SHROOM2: variants seen among roughly 807,000 people sequenced by gnomAD.
SHROOM2 encodes shroom family member 2, also known as protein Shroom2.
A neutral mutation model predicts 75.9 loss-of-function variants in SHROOM2; 33 were observed. The observed-to-expected ratio is 0.43, with a 90% CI of 0.33 to 0.58. The LOEUF (loss-of-function observed/expected upper bound fraction) is 0.58. Ranked by LOEUF, SHROOM2 falls within the 20% of genes least tolerant of loss-of-function variation. SHROOM2 has a pLI of 0.04. For synonymous variants in SHROOM2, 655 were observed against 663.6 expected (o/e 0.99, Z 0.20); for missense variants, 1,434 against 1,461.2 (o/e 0.98, Z 0.30).
chrX:9,897,406 A>G (rs183638471), intron 4 of SHROOM2, among the ~76,000 whole-genome samples: 27 of 110,466 alleles, frequency 2.4e-4, no homozygotes, highest in African/African-American at 8.2e-4. Flanking sequence ...ATGTTCCACA[A>G]TGATAGATGC....
At chrX:9,812,346 A>G (rs1442427947) in intron 1 of SHROOM2, among the ~76,000 whole-genome samples, 1 of 111,789 alleles carries the variant, frequency 8.9e-6, no homozygotes, top group Non-Finnish European at 1.9e-5. Context: ...TCTGGACCCC[A>G]TTCAAAACTG....
intron 1 of SHROOM2, among the ~76,000 whole-genome samples, chrX:9,829,111 C>T (rs1222349720): frequency 4.5e-5 from 5 of 112,187 alleles, no homozygotes; most frequent in Non-Finnish European, 9.4e-5. Context: ...GCAACCTTCA[C>T]CTCCCAGGTT....
At chrX:9,814,904 A>G (rs1180376347) in intron 1 of SHROOM2, among the ~76,000 whole-genome samples, 1 of 111,615 alleles carries the variant, frequency 9.0e-6, no homozygotes, top group African/African-American at 3.3e-5. Context: ...AGCCCCTCGC[A>G]TGATAAGAGC....
intron 1 of SHROOM2, among the ~76,000 whole-genome samples, chrX:9,852,701 G>C (rs1450990394): frequency 8.9e-6 from 1 of 112,879 alleles, no homozygotes; most frequent in East Asian, 2.8e-4. Context: ...TTTAAAGACA[G>C]TCGAATTTGA....
chrX:9,818,405 CACG>C (rs1279162613), intron 1 of SHROOM2: 1 of 246,510 alleles, frequency 4.1e-6, no homozygotes, highest in African/African-American at 2.9e-5. Flanking sequence ...TCTACTTTGA[CACG>C]AATCTCTTTG....
At chrX:9,925,098 C>G (rs1386853706) in intron 5 of SHROOM2, among the ~76,000 whole-genome samples, 3 of 111,937 alleles carry the variant, frequency 2.7e-5, no homozygotes, top group Non-Finnish European at 5.6e-5. Context: ...CCATCGCCTT[C>G]CCCACTGTCT....
rs61611534 is a variant in SHROOM2, at chrX:9,864,824, C to CA, written c.166-8822dup. On this transcript the variant is annotated intron_variant, in intron 1 of 9. Coordinates refer to ENST00000380913, the MANE Select transcript of SHROOM2 (RefSeq NM_001649.4). ...TGGGCGACAGAGCGAGACTCCGTCT[C>CA]AAAAAATAAATAAATAAATAAAAAT... 9.2e-3 allele frequency among the ~76,000 whole-genome samples: 882 copies of CA among 95,870 alleles called. 10 individuals are homozygous for CA. Among genetic ancestry groups the CA allele is most frequent in the African/African-American group, 0.03 (808 of 26,809 alleles). 83.3% of individuals were successfully genotyped at this position (95,870 alleles called of 115,157 possible).
In SHROOM2 at chrX:9,897,790, C is replaced by T. The variant is rs182823304; in HGVS notation, c.2791-400C>T. 4.4e-4 allele frequency among the ~76,000 whole-genome samples: 49 copies of T among 110,784 alleles called. 1 individual carries two copies. In the East Asian group the frequency reaches 0.014, roughly 31 times the overall value. On this transcript the variant is annotated intron_variant, in intron 4 of 9. Transcript: ENST00000380913. ...CTGTGGCGTCCCAGCCCTGAAAATC[C>T]ACACAGATGCTGTGAGTGTTTATTT...
intron 1 of SHROOM2, among the ~76,000 whole-genome samples, chrX:9,837,095 G>A (rs1055516361): frequency 2.7e-5 from 3 of 112,515 alleles, no homozygotes; most frequent in Non-Finnish European, 5.6e-5. Flanking sequence ...CAGACTGACC[G>A]CATGGTGCTG....
intron 1 of SHROOM2, among the ~76,000 whole-genome samples, chrX:9,807,986 T>C (rs1156486877): frequency 1.8e-5 from 2 of 111,884 alleles, no homozygotes; most frequent in African/African-American, 6.5e-5. Context: ...CCTGAGCACA[T>C]GCAGCCCCGA....
At chrX:9,883,066 G>C (rs2084240774) in intron 2 of SHROOM2, among the ~76,000 whole-genome samples, 1 of 112,164 alleles carries the variant, frequency 8.9e-6, no homozygotes, top group African/African-American at 3.2e-5. Context: ...CATTTCTAGA[G>C]TGCTCTGGCG....
intron 5 of SHROOM2, among the ~76,000 whole-genome samples, chrX:9,909,245 A>G (rs2084408261): frequency 8.9e-6 from 1 of 112,489 alleles, no homozygotes; most frequent in African/African-American, 3.2e-5. Context: ...AGAACAAGTT[A>G]AGCAGCAAAA....
chrX:9,844,461 A>G (rs1280369025), intron 1 of SHROOM2, among the ~76,000 whole-genome samples: 2 of 110,515 alleles, frequency 1.8e-5, no homozygotes, highest in African/African-American at 6.6e-5. Context: ...GCAGTGAGCC[A>G]TGATCACACC....
rs1280120188 is a variant in SHROOM2 at position 9,895,033 on chromosome X, G to A, written c.1125G>A (p.Pro375=). The change falls in exon 4 of 10, where the codon CCG becomes CCA. Residue 375 remains proline, a synonymous_variant. Coordinates refer to ENST00000380913, the MANE Select transcript of SHROOM2 (RefSeq NM_001649.4). ...ATCGGCCTTGGAGGTCAGCACACCCGGGGAGCCTCGGGAAGGGATCGGGAG... is the reference window on the plus strand; with the variant it reads ...ATCGGCCTTGGAGGTCAGCACACCCAGGGAGCCTCGGGAAGGGATCGGGAG... The part of the protein sequence containing the change: ...LTDRPWRSAH[P]GSLGKGSGGP... 2 of 1,207,178 alleles carry A rather than the reference G, an allele frequency of 1.7e-6. No individual in the cohort carries two copies. The highest frequency in any genetic ancestry group is 2.2e-6 in the Non-Finnish European group (2 of 893,422).
chrX:9,942,090 G>A (rs752532434), intron 8 of SHROOM2, among the ~76,000 whole-genome samples: 2 of 111,421 alleles, frequency 1.8e-5, no homozygotes, highest in African/African-American at 3.3e-5. Flanking sequence ...TCAGGAATTT[G>A]GGAAGTTCTT....
chrX:9,895,118 G>C lies in SHROOM2; in HGVS notation c.1210G>C (p.Ala404Pro). Residue 404 changes from alanine to proline, a missense_variant, in exon 4 of 10, where the codon GCT becomes CCT. Physicochemically the swap from Ala to Pro is conservative, Grantham distance 27. Transcript: ENST00000380913. Reference protein sequence around the residue: ...DGSWPPSKDGASSRLQASLSS... With the variant: ...DGSWPPSKDGPSSRLQASLSS... ...CAGCTGGCCGCCCTCCAAGGATGGAGCTTCCAGTAGGCTGCAGGCCTCTCT... is the reference window on the plus strand; with the variant it reads ...CAGCTGGCCGCCCTCCAAGGATGGACCTTCCAGTAGGCTGCAGGCCTCTCT... 3 of 1,211,614 alleles carry C rather than the reference G, an allele frequency of 2.5e-6. No homozygotes were observed. In the African/African-American group the frequency reaches 5.2e-5, roughly 21 times the overall value.
chrX:9,833,396 C>T (rs759841258), intron 1 of SHROOM2, among the ~76,000 whole-genome samples: 28 of 111,853 alleles, frequency 2.5e-4, no homozygotes, highest in African/African-American at 8.1e-4. Flanking sequence ...TCTCCTAGGT[C>T]ATCATGAAGA....
chrX:9,894,844 A>T lies in SHROOM2; in HGVS notation c.936A>T (p.Ser312=). 1 of 1,210,916 alleles carries T rather than the reference A, an allele frequency of 8.3e-7. No homozygotes were observed. Reference sequence around the variant, plus strand: ...TTCCCGATAAGAAGAAAGCACCATCATCCCCACCTCCTCCCCCTCCCCCTC... The same window carrying T: ...TTCCCGATAAGAAGAAAGCACCATCTTCCCCACCTCCTCCCCCTCCCCCTC... ...WYVPDKKKAP[S]SPPPPPPPLR... is the part of the protein sequence containing the mutation. Residue 312 remains serine, a synonymous_variant, in exon 4 of 10, where the codon TCA becomes TCT. Transcript: ENST00000380913.
rs190150882 is a variant in SHROOM2 at position 9,873,267 on chromosome X, A to G, written c.166-385A>G. ...ATTTGAGTGAATATATGGTATTTGA[A>G]TTATATTTCTATAAAGCTATTACAA... On this transcript the variant is annotated intron_variant, in intron 1 of 9. Transcript: ENST00000380913. Among the ~76,000 whole-genome samples the G allele has an allele frequency of 1.4e-3, 155 of 112,938 alleles. 1 individual carries two copies. The highest frequency in any genetic ancestry group is 2.2e-3 in the Non-Finnish European group (115 of 53,416).
Sources: gnomAD v4.1 joint callset for allele counts (sites outside exome capture counted in the v4.1 genomes callset) on GRCh38, gnomAD v4.1.1 for gene constraint, MANE v1.5 for transcripts, NCBI Gene and HGNC (gene_info 2026-07-23, HGNC 2026-07-21) for gene names.